Variants in STPG2 observed in about 807,000 individuals in gnomAD.
STPG2 encodes sperm-tail PG-rich repeat-containing protein 2.
In STPG2, 56 loss-of-function variants were observed where a neutral mutation model predicts 54.2. That is an observed-to-expected ratio of 1.03 (90% CI 0.83 to 1.29). The LOEUF (loss-of-function observed/expected upper bound fraction) is 1.29. Among genes scored for constraint, STPG2 ranks in the 50% most tolerant of loss-of-function variants. The probability of loss-of-function intolerance (pLI) is 0.00; values close to 1 mark genes in which losing one functional copy is unlikely to be tolerated. For synonymous variants in STPG2, 200 were observed against 181.8 expected (o/e 1.10, Z -0.81); for missense variants, 596 against 544.9 (o/e 1.09, Z -0.93).
intron 9 of STPG2, among the ~76,000 whole-genome samples, chr4:97,794,038 G>A (rs112391276): frequency 0.018 from 2,738 of 152,046 alleles, 76 homozygotes; most frequent in African/African-American, 0.062. Context: ...AAGCCACAAA[G>A]CTTCATAGCA....
intron 7 of STPG2, among the ~76,000 whole-genome samples, chr4:97,971,020 A>T (rs1339966005): frequency 6.6e-6 from 1 of 152,228 alleles, no homozygotes; most frequent in Non-Finnish European, 1.5e-5. Context: ...ACTTCTCAAA[A>T]GAAGACAGTA....
chr4:97,505,472 A>G (rs2148836514), intron 4 of STPG2, among the ~76,000 whole-genome samples: 1 of 152,098 alleles, frequency 6.6e-6, no homozygotes, highest in Non-Finnish European at 1.5e-5. Flanking sequence ...AGAAAAAGGA[A>G]AGAGGGACTC....
At chr4:97,538,301 T>C (rs1343881822) in intron 4 of STPG2, among the ~76,000 whole-genome samples, 2 of 152,086 alleles carry the variant, frequency 1.3e-5, no homozygotes, top group African/African-American at 4.8e-5. Context: ...GAAAAAAGAT[T>C]AGATGAATGG....
intron 4 of STPG2, among the ~76,000 whole-genome samples, chr4:97,507,547 G>A (rs752597192): frequency 2.0e-5 from 3 of 151,982 alleles, no homozygotes; most frequent in Non-Finnish European, 4.4e-5. Flanking sequence ...ACAGGTTAAA[G>A]GGCAAAATCC....
intron 10 of STPG2, among the ~76,000 whole-genome samples, chr4:97,706,746 G>A (rs764656738): frequency 5.9e-5 from 9 of 152,122 alleles, no homozygotes; most frequent in Non-Finnish European, 1.3e-4. Flanking sequence ...ACAGGATTGG[G>A]CAAAAGATTT....
In STPG2 at chr4:97,901,375, C is replaced by A. The variant is rs367783766; in HGVS notation, c.1044+42522G>T. 4.0e-5 allele frequency among the ~76,000 whole-genome samples: 6 copies of A among 151,814 alleles called. No individual in the cohort carries two copies. In the East Asian group the frequency reaches 1.2e-3, roughly 29 times the overall value. On this transcript the variant is annotated intron_variant, in intron 8 of 10. Coordinates refer to ENST00000295268, the MANE Select transcript of STPG2 (RefSeq NM_174952.3). ...AAAAAATAATAAAAGGCATCCAACTCAGAAAAGAAGAAGCAAAATTGTTTC... is the reference window on the plus strand; with the variant it reads ...AAAAAATAATAAAAGGCATCCAACTAAGAAAAGAAGAAGCAAAATTGTTTC...
At chr4:97,624,408 C>T (rs953935504) in intron 10 of STPG2, among the ~76,000 whole-genome samples, 5 of 151,922 alleles carry the variant, frequency 3.3e-5, no homozygotes, top group Non-Finnish European at 7.4e-5. Context: ...GTGTGTTGGC[C>T]GCATAAATGT....
intron 1 of STPG2, 31 bp downstream of exon 1, chr4:98,143,011 C>T (rs1403166045): frequency 1.1e-5 from 18 of 1,579,872 alleles, no homozygotes; most frequent in Non-Finnish European, 1.6e-5. Context: ...GGATGCCTGT[C>T]ACAGGAGCTC....
At chr4:97,799,212 T>G (rs1269546249) in intron 9 of STPG2, among the ~76,000 whole-genome samples, 1 of 151,102 alleles carries the variant, frequency 6.6e-6, no homozygotes, top group Non-Finnish European at 1.5e-5. Context: ...ATGTGTGAAT[T>G]TGATCCTGTC....
intron 4 of STPG2, among the ~76,000 whole-genome samples, chr4:97,479,329 G>A (rs1431734489): frequency 6.6e-6 from 1 of 151,810 alleles, no homozygotes; most frequent in East Asian, 1.9e-4. Context: ...AGATTGTTCT[G>A]AATATCCTTC....
chr4:97,996,129 G>T (rs1735200635), intron 5 of STPG2, among the ~76,000 whole-genome samples: 2 of 152,168 alleles, frequency 1.3e-5, no homozygotes, highest in Non-Finnish European at 2.9e-5. Context: ...AGACTGAATT[G>T]TCAGAGTAAT....
intron 3 of STPG2, among the ~76,000 whole-genome samples, chr4:98,110,047 C>A (rs1374874937): frequency 3.3e-5 from 5 of 152,062 alleles, no homozygotes; most frequent in African/African-American, 4.8e-5. Flanking sequence ...GTTGAGAAAT[C>A]ATTTAAGAAT....
intron 8 of STPG2, among the ~76,000 whole-genome samples, chr4:97,923,304 C>T (rs1265492524): frequency 1.6e-4 from 1 of 6,154 alleles, no homozygotes; most frequent in African/African-American, 3.5e-4. Context: ...CCCCTCCCAC[C>T]CCCCCCGCCA....
intron 10 of STPG2, among the ~76,000 whole-genome samples, chr4:97,613,475 CGTGTGTGTGTGTGTGTGTGT>C (rs70953075): frequency 9.2e-4 from 131 of 142,336 alleles, no homozygotes; most frequent in African/African-American, 3.0e-3. Flanking sequence ...AGTCATCACC[CGTGTGTGTGTGTGTGTGTGT>C]GTGTGTGTGT....
At chr4:97,689,280 AT>A (rs952700380) in intron 10 of STPG2, among the ~76,000 whole-genome samples, 1 of 152,140 alleles carries the variant, frequency 6.6e-6, no homozygotes, top group African/African-American at 2.4e-5. Context: ...TTTGCTGTTT[AT>A]TTTTTATAAT....
At chr4:97,769,243 C>T (rs1184837989) in intron 9 of STPG2, among the ~76,000 whole-genome samples, 1 of 152,016 alleles carries the variant, frequency 6.6e-6, no homozygotes, top group East Asian at 1.9e-4. Context: ...CCACTTTTGC[C>T]AATGACAGAA....
At chr4:97,891,647 C>T (rs1730773768) in intron 8 of STPG2, among the ~76,000 whole-genome samples, 2 of 151,804 alleles carry the variant, frequency 1.3e-5, no homozygotes, top group African/African-American at 2.4e-5. Context: ...ATATCTTGCT[C>T]TTATTCATTT....
At chr4:98,038,971 T>C (rs1022397164) in intron 5 of STPG2, among the ~76,000 whole-genome samples, 3 of 151,930 alleles carry the variant, frequency 2.0e-5, no homozygotes, top group Non-Finnish European at 4.4e-5. Flanking sequence ...CACTCTGAAG[T>C]CAGAAAATAC....
intron 6 of STPG2, among the ~76,000 whole-genome samples, chr4:97,979,228 C>T (rs532145732): frequency 5.3e-5 from 8 of 150,158 alleles, no homozygotes; most frequent in Admixed American, 4.0e-4. Context: ...AAAGCTACAG[C>T]GGCAAACACA....
Sources: allele counts gnomAD v4.1 joint callset (sites outside exome capture counted in the v4.1 genomes callset), GRCh38; gene constraint gnomAD v4.1.1; transcripts MANE v1.5; gene names NCBI Gene and HGNC (gene_info 2026-07-23, HGNC 2026-07-21).